CYP39A1: variants seen among roughly 807,000 people sequenced by gnomAD.
The protein encoded by CYP39A1 is 24-hydroxycholesterol 7-alpha-hydroxylase.
Under a neutral mutation model 58.1 loss-of-function variants are expected in CYP39A1, and 49 were observed. That is an observed-to-expected ratio of 0.84 (90% CI 0.67 to 1.07). The LOEUF (loss-of-function observed/expected upper bound fraction) is 1.07, where lower values mean the gene tolerates loss of function less well. CYP39A1 is among the 50% of genes least tolerant of loss of function. CYP39A1 has a pLI of 0.00. For missense variants in CYP39A1, 531 were observed against 539.4 expected, an observed-to-expected ratio of 0.98 and a Z score of 0.16; for synonymous variants, 209 against 187.6, an observed-to-expected ratio of 1.11 and a Z score of -0.93.
At chr6:46,600,792 T>C (rs1410707892) in intron 7 of CYP39A1, among the ~76,000 whole-genome samples, 9 of 152,146 alleles carry the variant, frequency 5.9e-5, no homozygotes, top group East Asian at 1.9e-4. Context: ...ATGTGTATAG[T>C]TTCTAATATC....
At chr6:46,573,053 A>G (rs562905912) in intron 10 of CYP39A1, among the ~76,000 whole-genome samples, 1 of 151,792 alleles carries the variant, frequency 6.6e-6, no homozygotes, top group Non-Finnish European at 1.5e-5. Context: ...TTTTATTCAT[A>G]TATTGTTGTT....
chr6:46,633,727 T>G (rs1355439559), intron 5 of CYP39A1, among the ~76,000 whole-genome samples: 5 of 151,976 alleles, frequency 3.3e-5, no homozygotes, highest in Non-Finnish European at 2.9e-5. Flanking sequence ...TGTGGTGGCA[T>G]GTGCCTGTAG....
intron 10 of CYP39A1, among the ~76,000 whole-genome samples, chr6:46,585,447 T>C (rs1270899031): frequency 6.6e-6 from 1 of 152,146 alleles, no homozygotes; most frequent in Non-Finnish European, 1.5e-5. Context: ...TCTTAGGACA[T>C]TGACATTTGG....
At chr6:46,648,676 A>T in intron 1 of CYP39A1, among the ~76,000 whole-genome samples, 1 of 152,258 alleles carries the variant, frequency 6.6e-6, no homozygotes, top group South Asian at 2.1e-4. Flanking sequence ...AATAATAAAA[A>T]AAAATTATAA....
At chr6:46,633,984 A>G (rs897962440) in intron 5 of CYP39A1, among the ~76,000 whole-genome samples, 1 of 152,220 alleles carries the variant, frequency 6.6e-6, no homozygotes, top group African/African-American at 2.4e-5. Flanking sequence ...TGGATGTTCA[A>G]GTTGAATTCT....
At chr6:46,631,948 T>C (rs1163552034) in intron 5 of CYP39A1, among the ~76,000 whole-genome samples, 2 of 152,236 alleles carry the variant, frequency 1.3e-5, no homozygotes, top group Non-Finnish European at 2.9e-5. Flanking sequence ...CTCATCTACT[T>C]TTAATCTTAA....
chr6:46,651,652 T>C (rs142902461), intron 1 of CYP39A1, among the ~76,000 whole-genome samples: 2 of 152,332 alleles, frequency 1.3e-5, no homozygotes, highest in East Asian at 3.9e-4. Context: ...AAAATAATGC[T>C]ACTACGTATA....
chr6:46,650,484 CTTTTTT>C (rs567314746), intron 1 of CYP39A1, among the ~76,000 whole-genome samples: 40 of 35,188 alleles, frequency 1.1e-3, no homozygotes, highest in African/African-American at 4.5e-3. Context: ...CAGTCATATT[CTTTTTT>C]TTTTTTTTTT....
intron 1 of CYP39A1, among the ~76,000 whole-genome samples, chr6:46,650,300 A>T (rs1463520445): frequency 6.6e-6 from 1 of 151,842 alleles, no homozygotes; most frequent in Non-Finnish European, 1.5e-5. Context: ...GTTAGGGGGT[A>T]GGCTGGTGTG....
At chr6:46,652,302 G>T in intron 1 of CYP39A1, 104 bp downstream of exon 1, 1 of 1,133,266 alleles carries the variant, frequency 8.8e-7, no homozygotes, top group Non-Finnish European at 1.2e-6. Flanking sequence ...AGGCAAGCAG[G>T]TATGTTCCCC....
chr6:46,550,834 T>C (rs968350529), intron 11 of CYP39A1, among the ~76,000 whole-genome samples: 1 of 152,172 alleles, frequency 6.6e-6, no homozygotes, highest in African/African-American at 2.4e-5. Flanking sequence ...AAGAATGATG[T>C]GGAGTTGGTG....
In CYP39A1 at chr6:46,642,264, T is replaced by C; in HGVS notation, c.212A>G (p.Asn71Ser). 6.2e-7 allele frequency: 1 copy of C among 1,612,882 alleles called. No individual in the cohort carries two copies. The highest frequency in any genetic ancestry group is 8.5e-7 in the Non-Finnish European group (1 of 1,179,366). ...TTCTTCAGTAACAAAGGTCATTCGG[T>C]TTCCCATAGCAAAGACTGTAAATAT... Reference protein sequence around the residue: ...GPIFTVFAMGNRMTFVTEEEG... With the variant: ...GPIFTVFAMGSRMTFVTEEEG... Residue 71 changes from asparagine (N) to serine (S), a missense_variant, in exon 2 of 12, where the codon AAC (asparagine) becomes AGC (serine). By Grantham distance (46) the Asn-to-Ser change is conservative. Coordinates refer to ENST00000275016, the MANE Select transcript of CYP39A1 (RefSeq NM_016593.5).
chr6:46,587,231 T>C (rs1184610506), intron 9 of CYP39A1, 66 bp from the exon 10 acceptor site: 54 of 1,094,408 alleles, frequency 4.9e-5, no homozygotes, highest in Middle Eastern at 2.0e-4. Context: ...TTTATTTCTC[T>C]AGGCTAAAAA....
chr6:46,632,932 A>C (rs541915681), intron 5 of CYP39A1, among the ~76,000 whole-genome samples: 1 of 152,210 alleles, frequency 6.6e-6, no homozygotes, highest in South Asian at 2.1e-4. Context: ...GAAAAAAAAA[A>C]CTATTCAATC....
At chr6:46,614,818 G>A (rs764330481) in intron 7 of CYP39A1, among the ~76,000 whole-genome samples, 8 of 152,142 alleles carry the variant, frequency 5.3e-5, no homozygotes, top group Non-Finnish European at 1.0e-4. Context: ...AGGCTTGAAG[G>A]ATGCATAGCC....
chr6:46,570,698 C>G (rs535091035), intron 10 of CYP39A1, among the ~76,000 whole-genome samples: 13 of 152,208 alleles, frequency 8.5e-5, no homozygotes, highest in African/African-American at 3.1e-4. Context: ...TGAAGGGGAG[C>G]CAGCATGCAA....
At chr6:46,641,029 G>T (rs681513) in intron 2 of CYP39A1, among the ~76,000 whole-genome samples, 1 of 151,622 alleles carries the variant, frequency 6.6e-6, no homozygotes, top group Admixed American at 6.6e-5. Context: ...TACATCTTCT[G>T]TATGTATAGT....
At chr6:46,585,967 C>T (rs1191085007) in intron 10 of CYP39A1, among the ~76,000 whole-genome samples, 1 of 152,224 alleles carries the variant, frequency 6.6e-6, no homozygotes, top group East Asian at 1.9e-4. Flanking sequence ...TCCTTTCACT[C>T]TGTTTGGCCA....
Position 46,613,939 on chromosome 6 carries a change from C to CAA in CYP39A1, c.931+11477_931+11478dup, listed in dbSNP as rs34289054. On this transcript the variant is annotated intron_variant, in intron 7 of 11. Coordinates refer to ENST00000275016, the MANE Select transcript of CYP39A1 (RefSeq NM_016593.5). ...TTGAAAAAAACAAAACACAAAGAAGCAAAAAAAAAAAAACCCACCACATCT... is the reference window on the plus strand; with the variant it reads ...TTGAAAAAAACAAAACACAAAGAAGCAAAAAAAAAAAAAAACCCACCACATCT... 1.3e-3 allele frequency among the ~76,000 whole-genome samples: 159 copies of CAA among 121,088 alleles called. 1 individual carries two copies. The highest frequency in any genetic ancestry group is 4.1e-3 in the African/African-American group (155 of 37,674). 79.4% of individuals were successfully genotyped at this position (121,088 alleles called of 152,430 possible). A position where few individuals can be genotyped will look rare whatever the true frequency, so the allele number is the denominator to read the frequency against.
Sources: gnomAD v4.1 joint callset for allele counts (sites outside exome capture counted in the v4.1 genomes callset) on GRCh38, gnomAD v4.1.1 for gene constraint, MANE v1.5 for transcripts, NCBI Gene and HGNC (gene_info 2026-07-23, HGNC 2026-07-21) for gene names.